The following CCDC73 variants were observed in gnomAD, a reference collection of about 807,000 sequenced individuals.
CCDC73 encodes coiled-coil domain containing 73, also known as coiled-coil domain-containing protein 73.
Under a neutral mutation model 116.5 loss-of-function variants are expected in CCDC73, and 95 were observed. The ratio of observed to expected loss-of-function variants is 0.82; its 90% CI spans 0.69 to 0.97. The LOEUF is 0.97. Ranked by LOEUF, CCDC73 falls within the 50% of genes least tolerant of loss-of-function variation. The probability of loss-of-function intolerance (pLI) is 0.00; values close to 1 mark genes in which losing one functional copy is unlikely to be tolerated. For synonymous variants in CCDC73, 398 were observed against 401.3 expected (o/e 0.99, Z 0.10); for missense variants, 1,066 against 1,206.8 (o/e 0.88, Z 1.73).
intron 2 of CCDC73, among the ~76,000 whole-genome samples, chr11:32,738,156 A>G (rs934774821): frequency 5.3e-5 from 8 of 152,214 alleles, no homozygotes; most frequent in African/African-American, 1.4e-4. Context: ...TAGTGCTACA[A>G]TAAACACGGG....
At chr11:32,776,687 T>C (rs1396566338) in intron 1 of CCDC73, among the ~76,000 whole-genome samples, 2 of 151,916 alleles carry the variant, frequency 1.3e-5, no homozygotes, top group African/African-American at 2.4e-5. Flanking sequence ...AACCCTATAG[T>C]TTAACAAGAA....
intron 2 of CCDC73, among the ~76,000 whole-genome samples, chr11:32,723,483 C>T (rs939709344): frequency 6.6e-6 from 1 of 152,124 alleles, no homozygotes; most frequent in African/African-American, 2.4e-5. Context: ...TGAGCAATTT[C>T]GTAGGAGGTG....
chr11:32,620,675 A>G (rs903122175), intron 14 of CCDC73, among the ~76,000 whole-genome samples: 5 of 151,616 alleles, frequency 3.3e-5, no homozygotes, highest in African/African-American at 1.2e-4. Context: ...CATTCATTAA[A>G]ACCAAGTCAT....
At chr11:32,830,076 T>G in the CCDC73 span, 1 of 988,786 alleles carries the variant, frequency 1.0e-6, no homozygotes, top group Non-Finnish European at 1.2e-6. Flanking sequence ...TCGCCGAGGT[T>G]TGAGGGCGCC....
chr11:32,715,536 T>C (rs1849937338), intron 3 of CCDC73, among the ~76,000 whole-genome samples: 1 of 151,642 alleles, frequency 6.6e-6, no homozygotes, highest in Non-Finnish European at 1.5e-5. Flanking sequence ...AGAAACCACC[T>C]ACATGCCATC....
At chr11:32,727,557 A>G (rs1747464791) in intron 2 of CCDC73, among the ~76,000 whole-genome samples, 1 of 152,080 alleles carries the variant, frequency 6.6e-6, no homozygotes, top group African/African-American at 2.4e-5. Flanking sequence ...TCATCAGTGG[A>G]TACTGCCTGA....
At chr11:32,603,068 T>C (rs765891158) in intron 17 of CCDC73, 48 bp from the exon 18 acceptor site, 2 of 1,456,842 alleles carry the variant, frequency 1.4e-6, no homozygotes, top group South Asian at 2.5e-5. Context: ...ATACAAAAGA[T>C]TTTAAAGAGT....
intron 13 of CCDC73, among the ~76,000 whole-genome samples, chr11:32,641,603 CA>C (rs1855733178): frequency 6.6e-6 from 1 of 151,486 alleles, no homozygotes; most frequent in African/African-American, 2.4e-5. Context: ...AATAATAGTA[CA>C]TATATAATTA....
the CCDC73 span, chr11:32,830,487 ATT>A: frequency 2.8e-6 from 4 of 1,406,730 alleles, no homozygotes; most frequent in South Asian, 1.6e-5. Context: ...TTTTTTTAAT[ATT>A]TTTTTTTGTT....
intron 14 of CCDC73, among the ~76,000 whole-genome samples, chr11:32,619,653 A>G (rs1328809818): frequency 6.7e-6 from 1 of 148,666 alleles, no homozygotes; most frequent in African/African-American, 2.4e-5. Flanking sequence ...AGCCTGGGTG[A>G]CAGAGGGAGA....
Position 32,760,894 on chromosome 11 carries a change from A to G in CCDC73, c.-15-636T>C, listed in dbSNP as rs544467988. On this transcript the variant is annotated intron_variant, in intron 1 of 17. Coordinates refer to ENST00000335185, the MANE Select transcript of CCDC73 (RefSeq NM_001008391.4). ...TTAACATCTTGTATAACAAGAGTAC[A>G]ATATTAAAAATGTGCATCTGACTTT... Among the ~76,000 whole-genome samples, 26 of 152,330 alleles carry G rather than the reference A, an allele frequency of 1.7e-4. No homozygotes were observed. In the South Asian group the frequency reaches 5.4e-3, roughly 32 times the overall value.
intron 2 of CCDC73, among the ~76,000 whole-genome samples, chr11:32,755,929 A>G (rs183128296): frequency 6.9e-5 from 1 of 14,594 alleles, no homozygotes; most frequent in Non-Finnish European, 1.2e-4. Flanking sequence ...ATATATATCT[A>G]TATATATATC....
At chr11:32,754,782 C>T (rs1850317395) in intron 2 of CCDC73, among the ~76,000 whole-genome samples, 4 of 151,266 alleles carry the variant, frequency 2.6e-5, no homozygotes, top group Non-Finnish European at 5.9e-5. Context: ...AAAGGAAAGG[C>T]TAAAAGAGTT....
At chr11:32,744,588 C>G (rs1328359631) in intron 2 of CCDC73, among the ~76,000 whole-genome samples, 2 of 152,108 alleles carry the variant, frequency 1.3e-5, no homozygotes, top group Non-Finnish European at 2.9e-5. Context: ...ATTTCAGAAT[C>G]TGTTATTGGT....
At chr11:32,734,189 C>G (rs1850105699) in intron 2 of CCDC73, among the ~76,000 whole-genome samples, 1 of 152,082 alleles carries the variant, frequency 6.6e-6, no homozygotes, top group Non-Finnish European at 1.5e-5. Context: ...GGATAAATTC[C>G]TGGACACATA....
At chr11:32,732,562 C>T (rs568380726) in intron 2 of CCDC73, among the ~76,000 whole-genome samples, 8 of 152,228 alleles carry the variant, frequency 5.3e-5, no homozygotes, top group East Asian at 3.9e-4. Context: ...AGACTAACAG[C>T]GGATCTCTTG....
chr11:32,610,828 A>G (rs1855415345), intron 17 of CCDC73, among the ~76,000 whole-genome samples: 1 of 152,256 alleles, frequency 6.6e-6, no homozygotes, highest in Non-Finnish European at 1.5e-5. Context: ...TTATTAACAT[A>G]AAATTTTAAA....
chr11:32,671,390 C>A (rs1856036136), intron 9 of CCDC73, among the ~76,000 whole-genome samples: 2 of 115,902 alleles, frequency 1.7e-5, no homozygotes, highest in Non-Finnish European at 1.7e-5. Flanking sequence ...GTCTGTTTAA[C>A]TTTGCTCCAA....
At chr11:32,804,999 T>A in the CCDC73 span, among the ~76,000 whole-genome samples, 2 of 152,174 alleles carry the variant, frequency 1.3e-5, no homozygotes, top group Non-Finnish European at 2.9e-5. Context: ...AAGGAGTGGA[T>A]ACAGAGACAA....
Sources: allele counts gnomAD v4.1 joint callset (sites outside exome capture counted in the v4.1 genomes callset), GRCh38; gene constraint gnomAD v4.1.1; transcripts MANE v1.5; gene names NCBI Gene and HGNC (gene_info 2026-07-23, HGNC 2026-07-21).